Variants in WDPCP observed in about 807,000 individuals in gnomAD.
WDPCP encodes the protein WD repeat-containing and planar cell polarity effector protein fritz homolog.
Under a neutral mutation model 93.1 loss-of-function variants are expected in WDPCP, and 71 were observed. That is an observed-to-expected ratio of 0.76 (90% CI 0.63 to 0.93). The LOEUF (loss-of-function observed/expected upper bound fraction) is 0.93, where lower values mean the gene tolerates loss of function less well. WDPCP is among the 40% of genes least tolerant of loss of function. The pLI is 0.00. For synonymous variants in WDPCP, 315 were observed against 315.0 expected (o/e 1.00, Z 0.00); for missense variants, 844 against 887.4 (o/e 0.95, Z 0.62).
chr2:63,250,984 A>G (rs1188591429), intron 14 of WDPCP, among the ~76,000 whole-genome samples: 2 of 152,154 alleles, frequency 1.3e-5, no homozygotes, highest in African/African-American at 4.8e-5. Context: ...GATCTCTCCA[A>G]AGTTTATAGA....
At position 63,575,479 on chromosome 2, in the gene WDPCP, GTGTATATATAGTATATACAGTATATA is replaced by G. The variant is rs1707989110; in HGVS notation, c.75+12692_75+12717del. On this transcript the variant is annotated intron_variant, in intron 1 of 17. Coordinates refer to ENST00000272321, the MANE Select transcript of WDPCP (RefSeq NM_015910.7). The stretch of plus-strand genomic sequence containing the variant: ...ATACAGTATATATGCAGTATATACA[GTGTATATATAGTATATACAGTATATA>G]CACTGTATATATAGTATATACAGTA... Among the ~76,000 whole-genome samples, 13 of 2,522 alleles carry G rather than the reference GTGTATATATAGTATATACAGTATATA, an allele frequency of 5.2e-3. 2 individuals carry two copies. The highest frequency in any genetic ancestry group is 0.015 in the African/African-American group (13 of 846). The allele number at this position is 2,522 out of a possible 152,430, so 1.7% of individuals were successfully genotyped here. A position where few individuals can be genotyped will look rare whatever the true frequency, so the allele number is the denominator to read the frequency against.
At chr2:63,446,110 T>A (rs1697844551) in intron 6 of WDPCP, among the ~76,000 whole-genome samples, 2 of 152,244 alleles carry the variant, frequency 1.3e-5, no homozygotes, top group Admixed American at 1.3e-4. Context: ...CCATGCAATA[T>A]CCCATCTGAT....
intron 12 of WDPCP, among the ~76,000 whole-genome samples, chr2:63,323,175 C>T (rs1408272786): frequency 6.6e-6 from 1 of 152,188 alleles, no homozygotes; most frequent in Non-Finnish European, 1.5e-5. Flanking sequence ...GCGAGACTTG[C>T]CCATCTATTC....
At chr2:63,467,916 T>C (rs1053235512) in intron 6 of WDPCP, among the ~76,000 whole-genome samples, 4 of 152,082 alleles carry the variant, frequency 2.6e-5, no homozygotes, top group Non-Finnish European at 4.4e-5. Context: ...TCCTTTAATG[T>C]AAATCTTTGT....
At chr2:63,288,499 G>A (rs1684175117) in intron 13 of WDPCP, among the ~76,000 whole-genome samples, 2 of 152,322 alleles carry the variant, frequency 1.3e-5, no homozygotes, top group Non-Finnish European at 2.9e-5. Flanking sequence ...ATCTGTGATA[G>A]TAAGTGAAAA....
At chr2:63,575,762 AAC>A (rs1435681364) in intron 1 of WDPCP, among the ~76,000 whole-genome samples, 2 of 151,726 alleles carry the variant, frequency 1.3e-5, no homozygotes, top group South Asian at 2.1e-4. Flanking sequence ...AGCATATACA[AAC>A]ACATGTGTGC....
chr2:63,152,871 T>G, intron 17 of WDPCP, 43 bp downstream of exon 17: 1 of 1,581,410 alleles, frequency 6.3e-7, no homozygotes, highest in Non-Finnish European at 8.7e-7. Flanking sequence ...TGCTTTTCTC[T>G]TAGAATTTAA....
chr2:63,514,270 C>T (rs919281094), intron 1 of WDPCP, among the ~76,000 whole-genome samples: 5 of 151,880 alleles, frequency 3.3e-5, no homozygotes, highest in Non-Finnish European at 7.4e-5. Context: ...TTAAGTGCCC[C>T]ACCTCCTACC....
intron 2 of WDPCP, among the ~76,000 whole-genome samples, chr2:63,749,170 C>G (rs1669842305): frequency 6.6e-6 from 1 of 152,046 alleles, no homozygotes; most frequent in Admixed American, 6.6e-5. Context: ...TATTTCAGCT[C>G]TTTTAAAGTA....
chr2:63,690,921 A>G (rs17028099), intron 2 of WDPCP, among the ~76,000 whole-genome samples: 7,053 of 152,342 alleles, frequency 0.046, 202 homozygotes, highest in South Asian at 0.079. Flanking sequence ...ACATTAAATT[A>G]CATAGGGGAA....
intron 14 of WDPCP, among the ~76,000 whole-genome samples, chr2:63,216,180 G>C (rs576893579): frequency 1.7e-4 from 26 of 152,070 alleles, no homozygotes; most frequent in Non-Finnish European, 3.1e-4. Context: ...CTGGAAATAC[G>C]ATTTGACCCA....
At chr2:63,606,956 A>C in intron 3 of WDPCP, 1 of 1,612,838 alleles carries the variant, frequency 6.2e-7, no homozygotes. Context: ...GAAGAAAAAG[A>C]AAGTGCTTTT....
At chr2:63,342,421 C>T (rs563297069) in intron 12 of WDPCP, among the ~76,000 whole-genome samples, 8 of 152,296 alleles carry the variant, frequency 5.3e-5, no homozygotes, top group Non-Finnish European at 1.0e-4. Context: ...CTATGTCTTC[C>T]ATAAATCATA....
intron 2 of WDPCP, among the ~76,000 whole-genome samples, chr2:63,743,226 G>A (rs1669750500): frequency 6.6e-6 from 1 of 152,030 alleles, no homozygotes; most frequent in Non-Finnish European, 1.5e-5. Flanking sequence ...AATGAGCTCT[G>A]TGATAAGGTG....
intron 14 of WDPCP, among the ~76,000 whole-genome samples, chr2:63,255,975 G>A (rs1317519039): frequency 6.6e-6 from 1 of 152,128 alleles, no homozygotes; most frequent in Non-Finnish European, 1.5e-5. Context: ...TCTAAAGGAA[G>A]ATGTGGAAGA....
At chr2:63,277,760 T>A (rs1160053511) in intron 13 of WDPCP, among the ~76,000 whole-genome samples, 1 of 152,116 alleles carries the variant, frequency 6.6e-6, no homozygotes. Flanking sequence ...ATAAAACAAT[T>A]ACTACTAGAC....
At chr2:63,458,886 A>G (rs1698816681) in intron 6 of WDPCP, among the ~76,000 whole-genome samples, 1 of 152,232 alleles carries the variant, frequency 6.6e-6, no homozygotes, top group Admixed American at 6.5e-5. Flanking sequence ...ACAGACACAT[A>G]GATCAATGGA....
chr2:63,769,600 T>C (rs541210765), intron 2 of WDPCP, among the ~76,000 whole-genome samples: 3 of 151,902 alleles, frequency 2.0e-5, no homozygotes, highest in African/African-American at 7.2e-5. Flanking sequence ...ATTAAACAAA[T>C]TGTCTATTAG....
chr2:63,631,503 A>T lies in WDPCP; in HGVS notation n.488+19156T>A, dbSNP rs897783306. On this transcript the variant is annotated intron_variant and non_coding_transcript_variant, in intron 3 of 4. Coordinates refer to the WDPCP transcript ENST00000467687. ...AAATAGAAAAACAATAGGGAGAGGA[A>T]TGATGTCAGCAAGATGGAGGAGTAA... 3.9e-5 allele frequency among the ~76,000 whole-genome samples: 6 copies of T among 152,116 alleles called. 1 individual carries two copies. Among genetic ancestry groups the T allele is most frequent in the African/African-American group, 1.4e-4 (6 of 41,410 alleles).
Sources: allele counts gnomAD v4.1 joint callset (sites outside exome capture counted in the v4.1 genomes callset), GRCh38; gene constraint gnomAD v4.1.1; transcripts MANE v1.5; gene names NCBI Gene and HGNC (gene_info 2026-07-23, HGNC 2026-07-21).